Variants in GRHL2 observed in about 807,000 individuals in gnomAD.
The protein encoded by GRHL2 is grainyhead-like protein 2 homolog.
GRHL2 carries 21 observed loss-of-function variants against 83.8 expected under a neutral mutation model. That is an observed-to-expected ratio of 0.25 (90% CI 0.18 to 0.36). The LOEUF is 0.36. GRHL2 is among the 10% of genes least tolerant of loss of function. The probability of loss-of-function intolerance (pLI) is 1.00; values close to 1 mark genes in which losing one functional copy is unlikely to be tolerated. For missense variants in GRHL2, 623 were observed against 781.8 expected (o/e 0.80, Z 2.42); for synonymous variants, 280 against 278.9 (o/e 1.00, Z -0.04).
intron 14 of GRHL2, among the ~76,000 whole-genome samples, chr8:101,650,650 T>C (rs936942957): frequency 6.6e-6 from 1 of 151,500 alleles, no homozygotes; most frequent in African/African-American, 2.4e-5. Context: ...TGCCAGGGGA[T>C]GGGGGTAGGA....
intron 12 of GRHL2, among the ~76,000 whole-genome samples, chr8:101,641,963 G>T (rs1457740219): frequency 6.6e-6 from 1 of 152,112 alleles, no homozygotes; most frequent in African/African-American, 2.4e-5. Flanking sequence ...ATTGTTTTGG[G>T]ACTAATGATA....
At chr8:101,533,843 C>T (rs976054431) in intron 1 of GRHL2, among the ~76,000 whole-genome samples, 1 of 152,048 alleles carries the variant, frequency 6.6e-6, no homozygotes, top group African/African-American at 2.4e-5. Context: ...GGGACCAGTG[C>T]AGCAAGATGA....
Position 101,666,709 on chromosome 8 carries a change from G to GTGA in GRHL2, c.*6_*7insTGA. 6.3e-7 allele frequency: 1 copy of GTGA among 1,575,746 alleles called. No individual in the cohort carries two copies. The highest frequency in any genetic ancestry group is 1.3e-5 in the African/African-American group (1 of 74,258). ...TCACGCTCATGGAAATCTAGCCCTG[G>GTGA]GTTTGGCATCCGCTTTGGCTGGAGC... On this transcript the variant is annotated 3_prime_UTR_variant, in exon 16 of 16. Coordinates refer to ENST00000646743, the MANE Select transcript of GRHL2 (RefSeq NM_024915.4).
chr8:101,504,939 C>T (rs1054984261), intron 1 of GRHL2, among the ~76,000 whole-genome samples: 9 of 149,770 alleles, frequency 6.0e-5, no homozygotes, highest in Non-Finnish European at 1.3e-4. Flanking sequence ...GGAAACTGGC[C>T]TCCCAGAGTC....
In GRHL2 at chr8:101,558,711, G is replaced by A; in HGVS notation, c.577G>A (p.Asp193Asn). The A allele has an allele frequency of 6.2e-7, 1 of 1,614,142 alleles. No homozygotes were observed. The highest frequency in any genetic ancestry group is 1.3e-5 in the African/African-American group (1 of 75,016). ...GGTTATCTTTGAACAGACTCAGTAT[G>A]ACGTGCCCTCGCTGGCCACCCACAG... The part of the protein sequence containing the change: ...RVVIFEQTQY[D>N]VPSLATHSAY... The change falls in exon 4 of 16, where the codon GAC becomes AAC. Residue 193 changes from aspartate (D) to asparagine (N), a missense_variant. Asp to Asn is a conservative substitution (Grantham distance 23). Around this residue, in one of 8 missense-constraint regions of GRHL2, gnomAD observed 239 missense variants for 240.5 expected, o/e 0.99. Coordinates refer to ENST00000646743, the MANE Select transcript of GRHL2 (RefSeq NM_024915.4).
intron 2 of GRHL2, among the ~76,000 whole-genome samples, chr8:101,545,629 G>T (rs1043327714): frequency 1.3e-5 from 2 of 151,894 alleles, no homozygotes; most frequent in Admixed American, 1.3e-4. Flanking sequence ...TTTTCAAAAT[G>T]TATTGAGGAT....
intron 8 of GRHL2, among the ~76,000 whole-genome samples, chr8:101,610,791 A>G (rs1812732829): frequency 6.6e-6 from 1 of 150,858 alleles, no homozygotes; most frequent in African/African-American, 2.5e-5. Flanking sequence ...CTCTCGTTAT[A>G]ATCGAACCCA....
chr8:101,557,720 A>C (rs1438078953), intron 3 of GRHL2, among the ~76,000 whole-genome samples: 2 of 151,688 alleles, frequency 1.3e-5, no homozygotes, highest in African/African-American at 4.8e-5. Context: ...CATGCCTTTG[A>C]CTTGTTGACA....
intron 8 of GRHL2, among the ~76,000 whole-genome samples, chr8:101,615,548 C>T (rs776677346): frequency 1.3e-5 from 2 of 152,168 alleles, no homozygotes; most frequent in Non-Finnish European, 2.9e-5. Context: ...TGGCCACCAG[C>T]AGGAAGATCT....
At chr8:101,537,879 A>T (rs1811078021) in intron 1 of GRHL2, among the ~76,000 whole-genome samples, 1 of 152,212 alleles carries the variant, frequency 6.6e-6, no homozygotes, top group Non-Finnish European at 1.5e-5. Flanking sequence ...TGCATACTTC[A>T]CCATCCTAAT....
intron 8 of GRHL2, among the ~76,000 whole-genome samples, chr8:101,618,360 C>T (rs1812896308): frequency 6.6e-6 from 1 of 152,000 alleles, no homozygotes; most frequent in African/African-American, 2.4e-5. Context: ...TTTTTGAATT[C>T]ATGTGATTTC....
At position 101,492,746 on chromosome 8, in the gene GRHL2, C is replaced by G. The variant is rs515622; in HGVS notation, c.-24C>G. 0.99 allele frequency: 1,596,952 copies of G among 1,612,880 alleles called. 791,254 individuals are homozygous for G. Among genetic ancestry groups the G allele is most frequent in the Non-Finnish European group, 1 (1,178,211 of 1,178,882 alleles). Reference sequence around the variant, plus strand: ...CCAGAGGCTGAGGCTCCAGGAAAAGCGGAGCAAGTTCATTGGATCAAACAT... The same window carrying G: ...CCAGAGGCTGAGGCTCCAGGAAAAGGGGAGCAAGTTCATTGGATCAAACAT... On this transcript the variant is annotated 5_prime_UTR_variant, in exon 1 of 16. Coordinates refer to ENST00000646743, the MANE Select transcript of GRHL2 (RefSeq NM_024915.4).
At chr8:101,664,339 G>GAAA (rs1813996412) in intron 14 of GRHL2, 115 bp from the exon 15 acceptor site, 2 of 665,838 alleles carry the variant, frequency 3.0e-6, no homozygotes, top group Non-Finnish European at 5.2e-6. Context: ...ACTCATGAGT[G>GAAA]AAGAGCACTC....
chr8:101,628,521 C>T (rs1314609254), intron 9 of GRHL2, among the ~76,000 whole-genome samples: 1 of 152,126 alleles, frequency 6.6e-6, no homozygotes, highest in Admixed American at 6.6e-5. Flanking sequence ...AACACAACAA[C>T]ATCCATTCTG....
rs1814129129 is a variant in GRHL2 at position 101,668,465 on chromosome 8, G to T, written c.*1762G>T. 1 of 152,828 alleles carries T rather than the reference G, an allele frequency of 6.5e-6. No individual in the cohort carries two copies. Among genetic ancestry groups the T allele is most frequent in the East Asian group, 1.9e-4 (1 of 5,186 alleles). The allele number at this position is 152,828 out of a possible 1,614,324, so 9.5% of individuals were successfully genotyped here. On this transcript the variant is annotated 3_prime_UTR_variant, in exon 16 of 16. Transcript: ENST00000646743. Reference sequence around the variant, plus strand: ...AGGAATTGAATTGAATGGGACAGAGGGCAGGTGCTGTGGCCAAGAAGATCT... The same window carrying T: ...AGGAATTGAATTGAATGGGACAGAGTGCAGGTGCTGTGGCCAAGAAGATCT...
chr8:101,573,970 C>A, intron 6 of GRHL2, 146 bp downstream of exon 6: 3 of 888,108 alleles, frequency 3.4e-6, no homozygotes, highest in South Asian at 1.4e-5. Context: ...GGGGCAAGAG[C>A]ACTTATTGGC....
At position 101,613,360 on chromosome 8, in the gene GRHL2, A is replaced by G. The variant is rs192019419; in HGVS notation, c.1099-6179A>G. 1.2e-3 allele frequency among the ~76,000 whole-genome samples: 174 copies of G among 151,086 alleles called. 15 individuals are homozygous for G. Among genetic ancestry groups the G allele is most frequent in the African/African-American group, 4.1e-3 (166 of 40,476 alleles). On this transcript the variant is annotated intron_variant, in intron 8 of 15. Transcript: ENST00000646743. ...GAAGAGTACTTTCTAAAAGTGCTAT[A>G]TAATTGTACGTTTTATGAAATCTAG... is the stretch of plus-strand genomic sequence containing the variant.
At chr8:101,500,121 C>CA (rs1810194115) in intron 1 of GRHL2, among the ~76,000 whole-genome samples, 1 of 151,880 alleles carries the variant, frequency 6.6e-6, no homozygotes, top group Non-Finnish European at 1.5e-5. Context: ...AACAAACAAA[C>CA]AAAAAACAAC....
At chr8:101,525,239 G>C (rs1810781066) in intron 1 of GRHL2, among the ~76,000 whole-genome samples, 1 of 151,956 alleles carries the variant, frequency 6.6e-6, no homozygotes, top group South Asian at 2.1e-4. Flanking sequence ...CACTGTGCCT[G>C]GCTAATATAT....
Sources: allele counts gnomAD v4.1 joint callset (sites outside exome capture counted in the v4.1 genomes callset), GRCh38; gene constraint gnomAD v4.1.1; regional missense constraint gnomAD v4.1.1; transcripts MANE v1.5; gene names NCBI Gene and HGNC (gene_info 2026-07-23, HGNC 2026-07-21).